The following HIRIP3 variants were observed in gnomAD, a reference collection of about 807,000 sequenced individuals.
HIRIP3 encodes the protein HIRA-interacting protein 3.
HIRIP3 carries 40 observed loss-of-function variants against 50.3 expected under a neutral mutation model. That is an observed-to-expected ratio of 0.79 (90% CI 0.62 to 1.03). The LOEUF is 1.03. Ranked by LOEUF, HIRIP3 falls within the 50% of genes least tolerant of loss-of-function variation. The pLI, the probability that HIRIP3 is intolerant of heterozygous loss-of-function variation, is 0.00. For synonymous variants in HIRIP3, 318 were observed against 261.6 expected, an observed-to-expected ratio of 1.22 and a Z score of -2.08; for missense variants, 765 against 705.4, an observed-to-expected ratio of 1.08 and a Z score of -0.96.
chr16:29,992,958 C>G lies in HIRIP3; in HGVS notation c.*249G>C. On this transcript the variant is annotated 3_prime_UTR_variant, in exon 7 of 7. Coordinates refer to ENST00000279392, the MANE Select transcript of HIRIP3 (RefSeq NM_003609.5). The stretch of plus-strand genomic sequence containing the variant: ...GTGACTACTGCTCAGTTTCCTGGCC[C>G]AAAATACAGGAGGTGAGAATGGGGG... 1 of 353,642 alleles carries G rather than the reference C, an allele frequency of 2.8e-6. No homozygotes were observed. The highest frequency in any genetic ancestry group is 2.1e-5 in the African/African-American group (1 of 47,584). The allele number at this position is 353,642 out of a possible 1,614,324, so 21.9% of individuals were successfully genotyped here. A position where few individuals can be genotyped will look rare whatever the true frequency, so the allele number is the denominator to read the frequency against.
Position 29,993,228 on chromosome 16 carries a change from G to A in HIRIP3, c.1650C>T (p.Ser550=), listed in dbSNP as rs1436806263. ...PDWSHMRGII[S]SDGESN is the part of the protein sequence containing the mutation. ...GAGCTCAGTTACTCTCGCCATCACT[G>A]CTGATGATGCCACGCATATGTGACC... Residue 550 remains serine (S), a synonymous_variant, in exon 7 of 7, where the codon AGC becomes AGT. Coordinates refer to ENST00000279392, the MANE Select transcript of HIRIP3 (RefSeq NM_003609.5). 1 of 1,592,378 alleles carries A rather than the reference G, an allele frequency of 6.3e-7. No homozygotes were observed. The highest frequency in any genetic ancestry group is 8.6e-7 in the Non-Finnish European group (1 of 1,168,874).
rs1251650829 is a variant in HIRIP3 at position 29,994,347 on chromosome 16, C to T, written c.798G>A (p.Arg266=). The T allele has an allele frequency of 3.1e-6, 5 of 1,614,046 alleles. No individual in the cohort carries two copies. The African/African-American group carries it at 5.3e-5, about 17-fold the overall frequency. The part of the protein sequence containing the change: ...DWKPRTRSNG[R]RKSAREERSC... ...TCCTCTCCTCCCTAGCTGACTTTCTCCGGCCATTGCTCCTGGTTCTGGGTT... is the reference window on the plus strand; with the variant it reads ...TCCTCTCCTCCCTAGCTGACTTTCTTCGGCCATTGCTCCTGGTTCTGGGTT... The change falls in exon 4 of 7, where the codon CGG becomes CGA. Residue 266 remains arginine (R), a synonymous_variant. Transcript: ENST00000279392.
Position 29,993,241 on chromosome 16 carries a change from C to T in HIRIP3, c.1637G>A (p.Arg546His), listed in dbSNP as rs771602315. Residue 546 changes from arginine (R) to histidine (H), a missense_variant, in exon 7 of 7, where the codon CGT becomes CAT. Physicochemically the swap from Arg to His is conservative, Grantham distance 29 (BLOSUM62 0). Transcript: ENST00000279392. ...CTCGCCATCACTGCTGATGATGCCA[C>T]GCATATGTGACCAGTCTGGGGGTGC... ...RPAPPDWSHM[R>H]GIISSDGESN is the part of the protein sequence containing the mutation. The T allele has an allele frequency of 6.9e-6, 11 of 1,589,580 alleles. No individual in the cohort carries two copies. The highest frequency in any genetic ancestry group is 6.7e-5 in the East Asian group (3 of 44,616).
Position 29,994,222 on chromosome 16 carries a change from T to C in HIRIP3, c.923A>G (p.Asp308Gly). The C allele has an allele frequency of 6.2e-7, 1 of 1,614,052 alleles. No homozygotes were observed. Among genetic ancestry groups the C allele is most frequent in the Admixed American group, 1.7e-5 (1 of 60,018 alleles). ...CTTCCTCTGCACTGGGGGTTCTCTATCTCTCCCACTGTCATCCCCACTGCT... is the reference window on the plus strand; with the variant it reads ...CTTCCTCTGCACTGGGGGTTCTCTACCTCTCCCACTGTCATCCCCACTGCT... ...AASSGDDSGR[D>G]REPPVQRKSE... The change falls in exon 4 of 7, where the codon GAT (aspartate) becomes GGT (glycine). Residue 308 changes from aspartate (D) to glycine (G), a missense_variant. Coordinates refer to ENST00000279392, the MANE Select transcript of HIRIP3 (RefSeq NM_003609.5).
chr16:29,995,523 C>T lies in HIRIP3; in HGVS notation c.65+18G>A. The T allele has an allele frequency of 6.2e-7, 1 of 1,613,600 alleles. No individual in the cohort carries two copies. Among genetic ancestry groups the T allele is most frequent in the Non-Finnish European group, 8.5e-7 (1 of 1,180,028 alleles). On this transcript the variant is annotated intron_variant, in intron 1 of 6. Coordinates refer to ENST00000279392, the MANE Select transcript of HIRIP3 (RefSeq NM_003609.5). ...CCACCCGCGCCCTTTCCAACCCCATCTCCAACCCCCTGGGCACCTGAGGTC... is the reference window on the plus strand; with the variant it reads ...CCACCCGCGCCCTTTCCAACCCCATTTCCAACCCCCTGGGCACCTGAGGTC...
chr16:29,993,112 C>A lies in HIRIP3; in HGVS notation c.*95G>T. ...GTGTCCTTGGGAGCTGCAGTCTTCT[C>A]TGAAGGAAGCTGCTTCTGTTCCACA... is the stretch of plus-strand genomic sequence containing the variant. On this transcript the variant is annotated 3_prime_UTR_variant, in exon 7 of 7. Transcript: ENST00000279392. 1 of 1,214,412 alleles carries A rather than the reference C, an allele frequency of 8.2e-7. No homozygotes were observed. The highest frequency in any genetic ancestry group is 2.7e-5 in the East Asian group (1 of 37,212). 75.2% of individuals were successfully genotyped at this position (1,214,412 alleles called of 1,614,324 possible).
At position 29,993,886 on chromosome 16, in the gene HIRIP3, C is replaced by T. The variant is rs2150913793; in HGVS notation, c.1239+20G>A. Reference sequence around the variant, plus strand: ...CTCCCTCTTCCCTAATAGTGGCCTCCCACCCCTCCTCACCCTCACCTTCCC... The same window carrying T: ...CTCCCTCTTCCCTAATAGTGGCCTCTCACCCCTCCTCACCCTCACCTTCCC... On this transcript the variant is annotated intron_variant, in intron 4 of 6. Coordinates refer to ENST00000279392, the MANE Select transcript of HIRIP3 (RefSeq NM_003609.5). The T allele has an allele frequency of 1.3e-6, 2 of 1,589,656 alleles. No individual in the cohort carries two copies. The highest frequency in any genetic ancestry group is 1.7e-6 in the Non-Finnish European group (2 of 1,165,816).
At chr16:29,995,771 T>C, upstream of HIRIP3, 1 of 763,898 alleles carries the variant, frequency 1.3e-6, no homozygotes, top group South Asian at 1.8e-5. Flanking sequence ...AGACGAGACT[T>C]GTTTTCTCTG....
In HIRIP3 at chr16:29,993,782, G is replaced by A; in HGVS notation, c.1266C>T (p.Asp422=). 3 of 1,611,662 alleles carry A rather than the reference G, an allele frequency of 1.9e-6. No homozygotes were observed. The highest frequency in any genetic ancestry group is 2.5e-6 in the Non-Finnish European group (3 of 1,179,980). The change falls in exon 5 of 7, where the codon GAC becomes GAT. Residue 422 remains aspartate (D), a synonymous_variant. Transcript: ENST00000279392. ...GCTTCAGCCTCATCACAGCCGGGTG[G>A]TCCTCTCCACGGCGACCTGAGCCAG... The part of the protein sequence containing the change: ...GKAGSGRRGE[D]HPAVMRLKRY...
At position 29,995,523 on chromosome 16, in the gene HIRIP3, C is replaced by G; in HGVS notation, c.65+18G>C. ...CCACCCGCGCCCTTTCCAACCCCAT[C>G]TCCAACCCCCTGGGCACCTGAGGTC... On this transcript the variant is annotated intron_variant, in intron 1 of 6. Transcript: ENST00000279392. 6.2e-7 allele frequency: 1 copy of G among 1,613,600 alleles called. No individual in the cohort carries two copies. Among genetic ancestry groups the G allele is most frequent in the Non-Finnish European group, 8.5e-7 (1 of 1,180,028 alleles).
At position 29,993,302 on chromosome 16, in the gene HIRIP3, G is replaced by A. The variant is rs139384013; in HGVS notation, c.1576C>T (p.Arg526Trp). The change falls in exon 7 of 7, where the codon CGG becomes TGG. Residue 526 changes from arginine to tryptophan, a missense_variant. Physicochemically the swap from Arg to Trp is moderately radical, Grantham distance 101. Coordinates refer to ENST00000279392, the MANE Select transcript of HIRIP3 (RefSeq NM_003609.5). ...EAAPPGELYR[R>W]TLDSDEERPR... Reference sequence around the variant, plus strand: ...CGCTCTTCATCTGAGTCCAGGGTCCGTCGGTACAGCTCCCCTGGGGGTGCT... The same window carrying A: ...CGCTCTTCATCTGAGTCCAGGGTCCATCGGTACAGCTCCCCTGGGGGTGCT... 1.8e-4 allele frequency: 276 copies of A among 1,544,558 alleles called. No individual in the cohort carries two copies. Among genetic ancestry groups the A allele is most frequent in the Admixed American group, 2.4e-4 (12 of 50,516 alleles).
chr16:29,993,469 G>A lies in HIRIP3; in HGVS notation c.1497C>T (p.Ile499=). The A allele has an allele frequency of 6.2e-7, 1 of 1,613,112 alleles. No homozygotes were observed. The highest frequency in any genetic ancestry group is 8.5e-7 in the Non-Finnish European group (1 of 1,179,264). Reference sequence around the variant, plus strand: ...GAGGAAACCCCTTACCCGAGCCACTGATGATGTTCGCAACATCCAAGGAGG... The same window carrying A: ...GAGGAAACCCCTTACCCGAGCCACTAATGATGTTCGCAACATCCAAGGAGG... ...EVASLDVANI[I]SGSGRPRRRT... Residue 499 remains isoleucine, a synonymous_variant, in exon 6 of 7, where the codon ATC becomes ATT. Transcript: ENST00000279392.
rs777297444 is a variant in HIRIP3 at position 29,993,478 on chromosome 16, C to T, written c.1488G>A (p.Ala496=). 2.0e-5 allele frequency: 32 copies of T among 1,613,322 alleles called. No homozygotes were observed. Among genetic ancestry groups the T allele is most frequent in the African/African-American group, 6.7e-5 (5 of 74,902 alleles). ...CCTTACCCGAGCCACTGATGATGTT[C>T]GCAACATCCAAGGAGGCCACCTCAG... The part of the protein sequence containing the change: ...EAAEVASLDV[A]NIISGSGRPR... Residue 496 remains alanine, a synonymous_variant, in exon 6 of 7, where the codon GCG becomes GCA. Transcript: ENST00000279392.
chr16:29,993,486 C>T lies in HIRIP3; in HGVS notation c.1480G>A (p.Asp494Asn). The change falls in exon 6 of 7, where the codon GAT becomes AAT. Residue 494 changes from aspartate to asparagine, a missense_variant. Transcript: ENST00000279392. ...REEAAEVASL[D>N]VANIISGSGR... ...GAGCCACTGATGATGTTCGCAACAT[C>T]CAAGGAGGCCACCTCAGCTGCCTCC... 1 of 1,613,794 alleles carries T rather than the reference C, an allele frequency of 6.2e-7. No individual in the cohort carries two copies. Among genetic ancestry groups the T allele is most frequent in the South Asian group, 1.1e-5 (1 of 91,076 alleles).
At position 29,994,096 on chromosome 16, in the gene HIRIP3, C is replaced by A. The variant is rs751814749; in HGVS notation, c.1049G>T (p.Arg350Ile). ...GGTGCTGCCCAGTCTGGCCATCTTT[C>A]TAGAGCCTTTAGCTGTGGGTTCCCC... ...GKGEPTAKGS[R>I]KMARLGSTSG... is the part of the protein sequence containing the mutation. The change falls in exon 4 of 7, where the codon AGA becomes ATA. Residue 350 changes from arginine (R) to isoleucine (I), a missense_variant. Physicochemically the swap from Arg to Ile is moderately conservative, Grantham distance 97. Transcript: ENST00000279392. 1 of 1,613,768 alleles carries A rather than the reference C, an allele frequency of 6.2e-7. No homozygotes were observed. The highest frequency in any genetic ancestry group is 8.5e-7 in the Non-Finnish European group (1 of 1,179,850).
At position 29,993,158 on chromosome 16, in the gene HIRIP3, A is replaced by G. The variant is rs942034316; in HGVS notation, c.*49T>C. The G allele has an allele frequency of 6.6e-6, 10 of 1,510,086 alleles. No homozygotes were observed. Among genetic ancestry groups the G allele is most frequent in the African/African-American group, 2.8e-5 (2 of 71,628 alleles). The allele number at this position is 1,510,086 out of a possible 1,614,324, so 93.5% of individuals were successfully genotyped here. Reference sequence around the variant, plus strand: ...CCACAGACACAGGGCAAGGGGTGCTATGTATGCTTTGTACATGTATCAAGG... The same window carrying G: ...CCACAGACACAGGGCAAGGGGTGCTGTGTATGCTTTGTACATGTATCAAGG... On this transcript the variant is annotated 3_prime_UTR_variant, in exon 7 of 7. Transcript: ENST00000279392.
At chr16:29,996,009 T>A (rs1203469069), upstream of HIRIP3, 9 of 571,420 alleles carry the variant, frequency 1.6e-5, no homozygotes, top group Non-Finnish European at 2.8e-5. Context: ...TAAATCCTTT[T>A]GTGGCTTCAA....
rs767816944 is a variant in HIRIP3 at position 29,993,752 on chromosome 16, G to A, written c.1296C>T (p.Tyr432=). The change falls in exon 5 of 7, where the codon TAC becomes TAT. Residue 432 remains tyrosine, a synonymous_variant. Transcript: ENST00000279392. ...DHPAVMRLKR[Y]IRACGAHRNY... is the part of the protein sequence containing the mutation. ...TTCGATGGGCACCACAGGCCCGAAT[G>A]TAGCGCTTCAGCCTCATCACAGCCG... 2 of 1,609,694 alleles carry A rather than the reference G, an allele frequency of 1.2e-6. No homozygotes were observed. The highest frequency in any genetic ancestry group is 1.3e-5 in the African/African-American group (1 of 75,062).
chr16:29,995,129 T>C lies in HIRIP3; in HGVS notation c.275A>G (p.Lys92Arg), dbSNP rs2070059609. ...PPTPCSDPER[K>R]RFRFNSESES... ...CGACTCTGAATTGAAGCGGAACCTT[T>C]TTCTCTCCGGGTCGCTACAAGGGGT... The change falls in exon 3 of 7, where the codon AAA (lysine) becomes AGA (arginine). Residue 92 changes from lysine to arginine, a missense_variant. Physicochemically the swap from Lys to Arg is conservative, Grantham distance 26 (BLOSUM62 2). Transcript: ENST00000279392. 1 of 1,614,066 alleles carries C rather than the reference T, an allele frequency of 6.2e-7. No individual in the cohort carries two copies. Among genetic ancestry groups the C allele is most frequent in the African/African-American group, 1.3e-5 (1 of 74,930 alleles).
Sources: allele counts gnomAD v4.1 joint callset, GRCh38; gene constraint gnomAD v4.1.1; transcripts MANE v1.5; gene names NCBI Gene and HGNC (gene_info 2026-07-23, HGNC 2026-07-21).